Variants in RALGPS1 observed in about 807,000 individuals in gnomAD.
The protein encoded by RALGPS1 is ras-specific guanine nucleotide-releasing factor RalGPS1.
RALGPS1 carries 19 observed loss-of-function variants against 78.8 expected under a neutral mutation model. That is an observed-to-expected ratio of 0.24 (90% CI 0.17 to 0.35). The LOEUF (loss-of-function observed/expected upper bound fraction) is 0.35, where lower values mean the gene tolerates loss of function less well. Among genes scored for constraint, RALGPS1 ranks in the 10% least tolerant of loss-of-function variants. The pLI is 1.00. For synonymous variants in RALGPS1, 228 were observed against 256.3 expected, an observed-to-expected ratio of 0.89 and a Z score of 1.06; for missense variants, 454 against 688.3, an observed-to-expected ratio of 0.66 and a Z score of 3.81.
At chr9:127,193,247 TGA>T (rs2061172635) in intron 11 of RALGPS1, among the ~76,000 whole-genome samples, 1 of 152,086 alleles carries the variant, frequency 6.6e-6, no homozygotes, top group African/African-American at 2.4e-5. Flanking sequence ...AGGGTGGCTG[TGA>T]GAGAGATCCC....
chr9:126,989,934 C>T (rs564144421), intron 4 of RALGPS1: 3 of 1,550,524 alleles, frequency 1.9e-6, no homozygotes, highest in Admixed American at 2.0e-5. Flanking sequence ...TGCAGAAGTC[C>T]ACAGTTTCCT....
At chr9:127,154,763 G>T (rs762131022) in intron 8 of RALGPS1, among the ~76,000 whole-genome samples, 1 of 152,142 alleles carries the variant, frequency 6.6e-6, no homozygotes, top group Non-Finnish European at 1.5e-5. Context: ...ACAGATACGC[G>T]AGTGCATTAG....
At chr9:127,047,205 C>G (rs1376698817) in intron 5 of RALGPS1, among the ~76,000 whole-genome samples, 1 of 152,126 alleles carries the variant, frequency 6.6e-6, no homozygotes, top group African/African-American at 2.4e-5. Context: ...TAAAGATGTT[C>G]ATCTCAGCAT....
intron 9 of RALGPS1, 91 bp downstream of exon 9, chr9:127,166,297 C>G: frequency 7.0e-7 from 1 of 1,438,400 alleles, no homozygotes; most frequent in Non-Finnish European, 9.5e-7. Flanking sequence ...TTTCAAAGAA[C>G]TACAAAGTTC....
chr9:127,064,226 T>C (rs1464254311), intron 7 of RALGPS1, among the ~76,000 whole-genome samples: 2 of 152,222 alleles, frequency 1.3e-5, no homozygotes, highest in Non-Finnish European at 2.9e-5. Flanking sequence ...TCTGTTTGAC[T>C]CTGGGTAAGC....
intron 1 of RALGPS1, among the ~76,000 whole-genome samples, chr9:126,945,700 CAG>C (rs1349408826): frequency 1.3e-5 from 2 of 152,212 alleles, no homozygotes; most frequent in Non-Finnish European, 2.9e-5. Context: ...ACACTGCACA[CAG>C]GGTGTTCTTG....
intron 8 of RALGPS1, among the ~76,000 whole-genome samples, chr9:127,157,038 A>G (rs2058740260): frequency 6.6e-6 from 1 of 152,010 alleles, no homozygotes; most frequent in Non-Finnish European, 1.5e-5. Flanking sequence ...CTGTATCTCT[A>G]TGTATGTATT....
intron 8 of RALGPS1, among the ~76,000 whole-genome samples, chr9:127,073,371 A>G (rs746257149): frequency 1.2e-4 from 19 of 152,092 alleles, no homozygotes; most frequent in Non-Finnish European, 1.8e-4. Context: ...TTCACTTAAC[A>G]TAGTGACCTC....
At chr9:126,962,524 A>T (rs1196037236) in intron 2 of RALGPS1, among the ~76,000 whole-genome samples, 178 bp downstream of exon 2, 1 of 152,230 alleles carries the variant, frequency 6.6e-6, no homozygotes, top group Non-Finnish European at 1.5e-5. Context: ...AGCCCTGAGG[A>T]TCAGCGTGTT....
chr9:127,153,576 T>C (rs1318778922), intron 8 of RALGPS1, among the ~76,000 whole-genome samples: 1 of 152,092 alleles, frequency 6.6e-6, no homozygotes, highest in Non-Finnish European at 1.5e-5. Context: ...GGCCCTGTCA[T>C]GATGGCGGCG....
chr9:126,937,521 AAAAGT>A (rs2036376430), intron 1 of RALGPS1, among the ~76,000 whole-genome samples: 1 of 152,202 alleles, frequency 6.6e-6, no homozygotes, highest in African/African-American at 2.4e-5. Context: ...CCTCACATAA[AAAAGT>A]AAAAAGATGG....
At chr9:127,134,506 G>A (rs1408129402) in intron 8 of RALGPS1, among the ~76,000 whole-genome samples, 1 of 152,204 alleles carries the variant, frequency 6.6e-6, no homozygotes, top group African/African-American at 2.4e-5. Flanking sequence ...CTGTGAAGTT[G>A]AGTATGATGT....
chr9:126,987,618 C>T (rs866538574), intron 4 of RALGPS1, among the ~76,000 whole-genome samples: 14 of 152,132 alleles, frequency 9.2e-5, no homozygotes, highest in African/African-American at 3.1e-4. Flanking sequence ...GTGATAGAAA[C>T]GAACTGCAGT....
intron 10 of RALGPS1, among the ~76,000 whole-genome samples, chr9:127,171,794 A>G (rs576436473): frequency 6.6e-6 from 1 of 152,320 alleles, no homozygotes; most frequent in African/African-American, 2.4e-5. Flanking sequence ...CAGGAAAAAC[A>G]TTAGGAGGCT....
At chr9:127,188,708 G>C (rs1384212134) in intron 11 of RALGPS1, among the ~76,000 whole-genome samples, 1 of 151,830 alleles carries the variant, frequency 6.6e-6, no homozygotes, top group Admixed American at 6.6e-5. Context: ...GCTCATGCCT[G>C]CAATTCCAGC....
intron 8 of RALGPS1, among the ~76,000 whole-genome samples, chr9:127,163,998 T>C (rs1199479053): frequency 1.3e-5 from 2 of 152,184 alleles, no homozygotes; most frequent in Admixed American, 1.3e-4. Flanking sequence ...AACAGATTTT[T>C]TATTTTTTCT....
intron 8 of RALGPS1, among the ~76,000 whole-genome samples, chr9:127,144,307 GA>G (rs1206916880): frequency 2.0e-5 from 3 of 152,206 alleles, no homozygotes; most frequent in Non-Finnish European, 2.9e-5. Flanking sequence ...ATTCGTGCAG[GA>G]ACACATGAAA....
intron 1 of RALGPS1, among the ~76,000 whole-genome samples, chr9:126,933,821 G>T (rs2036020882): frequency 1.3e-5 from 2 of 152,210 alleles, no homozygotes; most frequent in East Asian, 3.9e-4. Context: ...GCCTGCAGGG[G>T]GGGTGTGCCA....
chr9:127,179,774 G>A (rs1211349285), intron 11 of RALGPS1, among the ~76,000 whole-genome samples: 1 of 152,206 alleles, frequency 6.6e-6, no homozygotes, highest in African/African-American at 2.4e-5. Flanking sequence ...AATGTGCCGG[G>A]CGGTCTCTCT....
Sources: gnomAD v4.1 joint callset for allele counts (sites outside exome capture counted in the v4.1 genomes callset) on GRCh38, gnomAD v4.1.1 for gene constraint, MANE v1.5 for transcripts, NCBI Gene and HGNC (gene_info 2026-07-23, HGNC 2026-07-21) for gene names.